Variants in KMT2C observed in about 807,000 individuals in gnomAD.
KMT2C encodes the protein lysine methyltransferase 2C, also known as histone-lysine N-methyltransferase 2C.
In KMT2C, 88 loss-of-function variants were observed where a neutral mutation model predicts 507.9. The ratio of observed to expected loss-of-function variants is 0.17; its 90% confidence interval spans 0.15 to 0.21. The LOEUF (loss-of-function observed/expected upper bound fraction) is 0.21. Ranked by LOEUF, KMT2C falls within the 10% of genes least tolerant of loss-of-function variation. The pLI is 1.00. For missense variants in KMT2C, 4,954 were observed against 5,957.8 expected, an observed-to-expected ratio of 0.83 and a Z score of 5.55; for synonymous variants, 2,049 against 2,080.8, an observed-to-expected ratio of 0.98 and a Z score of 0.42.
intron 2 of KMT2C, among the ~76,000 whole-genome samples, chr7:152,353,098 CAG>C (rs1360867169): frequency 1.3e-5 from 2 of 152,164 alleles, no homozygotes; most frequent in Admixed American, 6.5e-5. Flanking sequence ...AAAAAATGCG[CAG>C]AGACTGGTAA....
At chr7:152,385,787 G>A (rs4025730) in intron 1 of KMT2C, among the ~76,000 whole-genome samples, 6,241 of 150,748 alleles carry the variant, frequency 0.041, 189 homozygotes, top group South Asian at 0.09. Context: ...ATTTATAAAC[G>A]ATATCACATT....
intron 51 of KMT2C, among the ~76,000 whole-genome samples, 187 bp from the exon 52 acceptor site, chr7:152,149,339 G>T (rs567407390): frequency 7.9e-5 from 12 of 152,334 alleles, no homozygotes; most frequent in African/African-American, 2.9e-4. Flanking sequence ...AAGGTGCACA[G>T]GGATAGAGAG....
intron 14 of KMT2C, among the ~76,000 whole-genome samples, chr7:152,244,105 A>T (rs1305465743): frequency 1.3e-5 from 2 of 152,244 alleles, no homozygotes; most frequent in East Asian, 1.9e-4. Context: ...TGACAAATTT[A>T]AAATTTCCAC....
rs2089778503 is a variant in KMT2C at position 152,135,176 on chromosome 7, C to T, written c.*1656G>A. 4.5e-6 allele frequency: 1 copy of T among 223,106 alleles called. No homozygotes were observed. Among genetic ancestry groups the T allele is most frequent in the South Asian group, 1.8e-4 (1 of 5,458 alleles). 13.8% of individuals were successfully genotyped at this position (223,106 alleles called of 1,614,324 possible). The stretch of plus-strand genomic sequence containing the variant: ...CTATTTATCAAGAGAAAAATATATA[C>T]AATTGATTTATTCTGTAAGATAAAA... On this transcript the variant is annotated 3_prime_UTR_variant, in exon 59 of 59. Coordinates refer to ENST00000262189, the MANE Select transcript of KMT2C (RefSeq NM_170606.3).
chr7:152,268,516 T>A (rs2095899628), intron 7 of KMT2C, among the ~76,000 whole-genome samples: 1 of 152,192 alleles, frequency 6.6e-6, no homozygotes, highest in Admixed American at 6.5e-5. Flanking sequence ...AAGGACTTAC[T>A]GCTAAAATCA....
At chr7:152,382,137 G>C (rs1403693200) in intron 1 of KMT2C, among the ~76,000 whole-genome samples, 4 of 152,182 alleles carry the variant, frequency 2.6e-5, no homozygotes, top group Non-Finnish European at 5.9e-5. Context: ...TCCCTCAGGA[G>C]TAGCCTTTTT....
chr7:152,163,174 G>A lies in KMT2C; in HGVS notation c.10403C>T (p.Pro3468Leu), dbSNP rs565114967. 50 of 1,614,148 alleles carry A rather than the reference G, an allele frequency of 3.1e-5. No individual in the cohort carries two copies. The African/African-American group carries it at 5.6e-4, about 18-fold the overall frequency. Residue 3468 changes from proline (P) to leucine (L), a missense_variant, in exon 43 of 59, where the codon CCC becomes CTC. Pro to Leu is a moderately conservative substitution (Grantham distance 98). This residue lies in a region of KMT2C where 801 missense variants were observed against 751.2 expected (regional missense o/e 1.07). Transcript: ENST00000262189. The stretch of plus-strand genomic sequence containing the variant: ...TTGGTGTTGTGGAGACTGCTGAAGG[G>A]GTCCTAGAGGTTGCATAAAATCACA... ...LPCDFMQPLG[P>L]LQQSPQHQQQ...
chr7:152,237,147 G>T (rs1024448334), intron 15 of KMT2C, among the ~76,000 whole-genome samples: 4 of 152,086 alleles, frequency 2.6e-5, no homozygotes, highest in African/African-American at 9.7e-5. Context: ...TTATCCAGAT[G>T]CTCAGGAAAA....
intron 6 of KMT2C, among the ~76,000 whole-genome samples, chr7:152,296,997 A>AAG (rs1235502213): frequency 8.5e-5 from 5 of 59,008 alleles, no homozygotes; most frequent in South Asian, 6.9e-4. Context: ...GAAAGAAAGA[A>AAG]AAAGAAAGAA....
At chr7:152,341,936 A>G (rs2129220191) in intron 2 of KMT2C, among the ~76,000 whole-genome samples, 1 of 152,256 alleles carries the variant, frequency 6.6e-6, no homozygotes, top group East Asian at 1.9e-4. Context: ...TAAAGTTTCT[A>G]TTCTTGTAAA....
chr7:152,327,212 C>T (rs1475958056), intron 3 of KMT2C, among the ~76,000 whole-genome samples: 1 of 152,186 alleles, frequency 6.6e-6, no homozygotes, highest in African/African-American at 2.4e-5. Context: ...TATTGAGTGA[C>T]CTATTCTTTT....
At chr7:152,151,347 A>C (rs114424026) in intron 50 of KMT2C, 95 bp downstream of exon 50, 2 of 1,281,028 alleles carry the variant, frequency 1.6e-6, no homozygotes, top group East Asian at 2.5e-5. Context: ...TCACACCACC[A>C]TAAGTGGTGT....
chr7:152,314,124 C>T (rs2096700508), intron 4 of KMT2C, among the ~76,000 whole-genome samples: 1 of 152,118 alleles, frequency 6.6e-6, no homozygotes, highest in Admixed American at 6.6e-5. Context: ...TTCTAAGTTT[C>T]CTTAAACTGT....
intron 6 of KMT2C, among the ~76,000 whole-genome samples, chr7:152,292,026 TTTTAA>T (rs1179295622): frequency 2.0e-5 from 3 of 152,214 alleles, no homozygotes; most frequent in Non-Finnish European, 4.4e-5. Context: ...TAAAATTTTG[TTTTAA>T]TTTACTATTT....
chr7:152,176,057 A>T (rs902270843), intron 38 of KMT2C, 134 bp downstream of exon 38: 29 of 970,486 alleles, frequency 3.0e-5, no homozygotes, highest in South Asian at 2.3e-4. Flanking sequence ...CAAAACAAAC[A>T]AACTCCTCAA....
intron 1 of KMT2C, among the ~76,000 whole-genome samples, chr7:152,410,530 A>AT (rs2116663849): frequency 3.3e-5 from 5 of 152,244 alleles, no homozygotes; most frequent in African/African-American, 1.2e-4. Flanking sequence ...GTGAGCCGAG[A>AT]CAGCGCCACT....
chr7:152,159,879 G>A (rs1255721665), intron 43 of KMT2C, among the ~76,000 whole-genome samples: 1 of 152,132 alleles, frequency 6.6e-6, no homozygotes, highest in Non-Finnish European at 1.5e-5. Flanking sequence ...ATTCTGCATT[G>A]AATCTCTGAC....
chr7:152,352,021 C>A (rs971387662), intron 2 of KMT2C, among the ~76,000 whole-genome samples: 1 of 152,160 alleles, frequency 6.6e-6, no homozygotes, highest in Non-Finnish European at 1.5e-5. Context: ...GTGAGCCGGG[C>A]AGAACAGAGC....
chr7:152,137,030 A>T (rs2089933508), intron 58 of KMT2C, 106 bp from the exon 59 acceptor site: 1 of 830,598 alleles, frequency 1.2e-6, no homozygotes, highest in East Asian at 2.6e-5. Flanking sequence ...AACAGACGTA[A>T]ATTAAGGAAG....
Sources: allele counts gnomAD v4.1 joint callset (sites outside exome capture counted in the v4.1 genomes callset), GRCh38; gene constraint gnomAD v4.1.1; regional missense constraint gnomAD v4.1.1; transcripts MANE v1.5; gene names NCBI Gene and HGNC (gene_info 2026-07-23, HGNC 2026-07-21).